The following TBX15 variants were observed in gnomAD, a reference collection of about 807,000 sequenced individuals.
TBX15 encodes T-box transcription factor TBX15.
In TBX15, 18 loss-of-function variants were observed where a neutral mutation model predicts 53.9. The ratio of observed to expected loss-of-function variants is 0.33; its 90% confidence interval spans 0.23 to 0.49. The LOEUF (loss-of-function observed/expected upper bound fraction) is 0.49, where lower values mean the gene tolerates loss of function less well. Among genes scored for constraint, TBX15 ranks in the 20% least tolerant of loss-of-function variants. The pLI is 0.98. For synonymous variants in TBX15, 295 were observed against 278.0 expected (o/e 1.06, Z -0.61); for missense variants, 692 against 749.5 (o/e 0.92, Z 0.90).
At chr1:118,929,913 T>A (rs780672624) in intron 2 of TBX15, among the ~76,000 whole-genome samples, 1 of 152,124 alleles carries the variant, frequency 6.6e-6, no homozygotes, top group African/African-American at 2.4e-5. Flanking sequence ...CCAAAAACTT[T>A]AAAAAAATTT....
intron 1 of TBX15, among the ~76,000 whole-genome samples, chr1:118,955,661 C>G (rs1656665032): frequency 6.6e-6 from 1 of 152,136 alleles, no homozygotes; most frequent in Non-Finnish European, 1.5e-5. Flanking sequence ...ACTCCCTGCT[C>G]TAGGGCCATT....
intron 6 of TBX15, among the ~76,000 whole-genome samples, chr1:118,899,414 G>GT (rs1326139532): frequency 3.9e-5 from 6 of 152,120 alleles, no homozygotes; most frequent in Admixed American, 1.3e-4. Context: ...AAAAAGCATG[G>GT]TAAGTATTAA....
chr1:118,943,692 C>T (rs923073788), intron 1 of TBX15, among the ~76,000 whole-genome samples: 6 of 152,104 alleles, frequency 3.9e-5, no homozygotes, highest in Admixed American at 3.3e-4. Context: ...AATGACAGGG[C>T]AGAGCTTGGA....
At chr1:118,987,087 A>G (rs978751308) in intron 1 of TBX15, among the ~76,000 whole-genome samples, 3 of 152,212 alleles carry the variant, frequency 2.0e-5, no homozygotes, top group Admixed American at 6.5e-5. Context: ...GAGTAGAAAT[A>G]TAATTATGTT....
chr1:118,928,575 T>C (rs1404055742), intron 2 of TBX15, among the ~76,000 whole-genome samples: 2 of 152,248 alleles, frequency 1.3e-5, no homozygotes, highest in African/African-American at 4.8e-5. Flanking sequence ...CTTCCCTGTA[T>C]ATGTAAATGT....
chr1:118,912,783 A>G (rs1480421814), intron 6 of TBX15, among the ~76,000 whole-genome samples: 2 of 152,182 alleles, frequency 1.3e-5, no homozygotes, highest in African/African-American at 2.4e-5. Flanking sequence ...TTGTCTTGTT[A>G]TAAACAAAGA....
intron 7 of TBX15, among the ~76,000 whole-genome samples, chr1:118,885,772 T>C (rs1653921757): frequency 6.6e-6 from 1 of 152,178 alleles, no homozygotes; most frequent in Admixed American, 6.5e-5. Flanking sequence ...CTCTTTTGTT[T>C]GTTTTCTCTG....
At chr1:118,947,696 A>G (rs1370978531) in intron 1 of TBX15, among the ~76,000 whole-genome samples, 2 of 152,202 alleles carry the variant, frequency 1.3e-5, no homozygotes, top group African/African-American at 4.8e-5. Context: ...AGATTTCTCA[A>G]TGTGCTCTAA....
At chr1:118,946,647 G>A (rs1006810714) in intron 1 of TBX15, among the ~76,000 whole-genome samples, 2 of 152,118 alleles carry the variant, frequency 1.3e-5, no homozygotes, top group African/African-American at 4.8e-5. Flanking sequence ...ATTATGAAGA[G>A]GAAGGGATTG....
intron 7 of TBX15, among the ~76,000 whole-genome samples, chr1:118,886,159 G>A (rs1360601901): frequency 6.6e-6 from 1 of 152,144 alleles, no homozygotes; most frequent in African/African-American, 2.4e-5. Flanking sequence ...AATTATAAGA[G>A]CTAGATTAGA....
intron 1 of TBX15, among the ~76,000 whole-genome samples, chr1:118,979,750 T>G (rs577755517): frequency 3.3e-5 from 5 of 152,216 alleles, no homozygotes; most frequent in Non-Finnish European, 7.3e-5. Context: ...ACAGCCGCCA[T>G]CCCTCAGGGT....
At chr1:118,893,402 A>AAAGG (rs1557872649) in intron 7 of TBX15, among the ~76,000 whole-genome samples, 5 of 125,648 alleles carry the variant, frequency 4.0e-5, no homozygotes, top group East Asian at 2.3e-4. Context: ...AGAAAGAAAG[A>AAAGG]AAGAAAGGAA....
In TBX15 at chr1:118,963,505, G is replaced by A. The variant is rs181952133; in HGVS notation, c.205+24086C>T. On this transcript the variant is annotated intron_variant, in intron 1 of 7. Coordinates refer to ENST00000369429, the MANE Select transcript of TBX15 (RefSeq NM_001330677.2). ...CTAAGGCCCTCTGTTCTTAGACAGG[G>A]CTATGATTAGTTTTGAACTGTGACA... Among the ~76,000 whole-genome samples the A allele has an allele frequency of 3.3e-5, 5 of 152,284 alleles. No individual in the cohort carries two copies. In the East Asian group the frequency reaches 7.7e-4, roughly 23 times the overall value.
chr1:118,917,275 G>T (rs531402690), intron 5 of TBX15, among the ~76,000 whole-genome samples: 2 of 152,284 alleles, frequency 1.3e-5, no homozygotes, highest in Non-Finnish European at 2.9e-5. Context: ...GAAGGAACAT[G>T]GTTGGAGCTG....
At chr1:118,930,641 C>A (rs1655748507) in intron 2 of TBX15, among the ~76,000 whole-genome samples, 1 of 152,224 alleles carries the variant, frequency 6.6e-6, no homozygotes, top group Admixed American at 6.5e-5. Context: ...GTCTCGAACT[C>A]CTGACCTTAG....
intron 7 of TBX15, among the ~76,000 whole-genome samples, chr1:118,896,601 A>G (rs1654433989): frequency 6.6e-6 from 1 of 152,190 alleles, no homozygotes; most frequent in Non-Finnish European, 1.5e-5. Flanking sequence ...TTTGGCACCA[A>G]TCTTAGGTTT....
At chr1:118,926,690 T>C (rs1464915709) in intron 2 of TBX15, 79 bp from the exon 3 acceptor site, 1 of 1,233,614 alleles carries the variant, frequency 8.1e-7, no homozygotes, top group Non-Finnish European at 1.2e-6. Context: ...ACAATGTGGG[T>C]TTTTTTGTTT....
intron 1 of TBX15, among the ~76,000 whole-genome samples, chr1:118,957,126 G>A (rs953447587): frequency 6.6e-6 from 1 of 152,166 alleles, no homozygotes; most frequent in African/African-American, 2.4e-5. Context: ...GCTACTGAAT[G>A]TTATATTTAA....
chr1:118,986,676 T>C (rs1034220457), intron 1 of TBX15, among the ~76,000 whole-genome samples: 1 of 152,194 alleles, frequency 6.6e-6, no homozygotes, highest in African/African-American at 2.4e-5. Flanking sequence ...CAGCTCTGGC[T>C]GTTCAGCAGG....
Sources: gnomAD v4.1 joint callset for allele counts (sites outside exome capture counted in the v4.1 genomes callset) on GRCh38, gnomAD v4.1.1 for gene constraint, MANE v1.5 for transcripts, NCBI Gene and HGNC (gene_info 2026-07-23, HGNC 2026-07-21) for gene names.